Variants in FYN observed in about 807,000 individuals in gnomAD.
FYN encodes FYN proto-oncogene, Src family tyrosine kinase, also known as tyrosine-protein kinase Fyn.
In FYN, 10 loss-of-function variants were observed where a neutral mutation model predicts 70.2. The observed-to-expected ratio is 0.14, with a 90% CI of 0.09 to 0.24. The LOEUF (loss-of-function observed/expected upper bound fraction) is 0.24. Among genes scored for constraint, FYN ranks in the 10% least tolerant of loss-of-function variants. FYN has a pLI of 1.00. For synonymous variants in FYN, 236 were observed against 248.6 expected, an observed-to-expected ratio of 0.95 and a Z score of 0.48; for missense variants, 319 against 673.1, an observed-to-expected ratio of 0.47 and a Z score of 5.82.
chr6:111,801,927 A>G (rs905827333), intron 2 of FYN, among the ~76,000 whole-genome samples: 1 of 152,256 alleles, frequency 6.6e-6, no homozygotes, highest in South Asian at 2.1e-4. Flanking sequence ...GGTGCAAGAC[A>G]CTGGATAGAT....
intron 12 of FYN, among the ~76,000 whole-genome samples, chr6:111,676,045 C>T (rs1798518640): frequency 6.6e-6 from 1 of 152,022 alleles, no homozygotes; most frequent in Non-Finnish European, 1.5e-5. Flanking sequence ...CTGACAAAAT[C>T]AGAACATTTC....
chr6:111,686,198 C>T lies in FYN; in HGVS notation c.1273+8177G>A, dbSNP rs141397815. Reference sequence around the variant, plus strand: ...TATTAATCTGGGCCCCGAAGCTCCACGGTGGCTCAGCAGATAAACAAAGCC... The same window carrying T: ...TATTAATCTGGGCCCCGAAGCTCCATGGTGGCTCAGCAGATAAACAAAGCC... On this transcript the variant is annotated intron_variant, in intron 12 of 13. Transcript: ENST00000354650. Among the ~76,000 whole-genome samples, 520 of 152,252 alleles carry T rather than the reference C, an allele frequency of 3.4e-3. 2 individuals carry two copies. Among genetic ancestry groups the T allele is most frequent in the African/African-American group, 0.011 (469 of 41,548 alleles).
chr6:111,779,618 GA>G (rs1199491486), intron 3 of FYN, among the ~76,000 whole-genome samples: 23 of 152,190 alleles, frequency 1.5e-4, no homozygotes, highest in Non-Finnish European at 2.8e-4. Context: ...CAGGGTTGGA[GA>G]AGGTGGTAAA....
At chr6:111,872,568 G>C (rs989207165) in intron 1 of FYN, among the ~76,000 whole-genome samples, 13 of 152,024 alleles carry the variant, frequency 8.6e-5, no homozygotes, top group African/African-American at 3.1e-4. Context: ...AAGCAGCACG[G>C]GGCATCAATT....
chr6:111,831,216 T>C (rs979715028), intron 2 of FYN, among the ~76,000 whole-genome samples: 2 of 152,168 alleles, frequency 1.3e-5, no homozygotes, highest in Non-Finnish European at 2.9e-5. Flanking sequence ...TTGATAGATG[T>C]GCCATGTTAG....
chr6:111,703,911 C>G (rs1303454825), intron 7 of FYN, 88 bp downstream of exon 7: 1 of 1,026,824 alleles, frequency 9.7e-7, no homozygotes, highest in Non-Finnish European at 1.5e-6. Context: ...ATTTTAAAAT[C>G]CTTGTACATT....
At chr6:111,804,333 G>A (rs779988243) in intron 2 of FYN, among the ~76,000 whole-genome samples, 1 of 152,082 alleles carries the variant, frequency 6.6e-6, no homozygotes, top group Non-Finnish European at 1.5e-5. Flanking sequence ...CTTTAGAAGC[G>A]GCACCCTCTG....
intron 2 of FYN, among the ~76,000 whole-genome samples, chr6:111,799,487 G>A (rs745577823): frequency 3.9e-5 from 6 of 152,196 alleles, no homozygotes; most frequent in Non-Finnish European, 8.8e-5. Context: ...TACACTGACA[G>A]AGAAAGTGCA....
chr6:111,720,700 T>A (rs1410720661), intron 3 of FYN, among the ~76,000 whole-genome samples: 2 of 152,166 alleles, frequency 1.3e-5, no homozygotes, highest in East Asian at 3.8e-4. Flanking sequence ...ATTTGCAGGA[T>A]GTCATGATAG....
chr6:111,679,706 T>C (rs1798702017), intron 12 of FYN, among the ~76,000 whole-genome samples: 1 of 152,042 alleles, frequency 6.6e-6, no homozygotes, highest in African/African-American at 2.4e-5. Context: ...AATTGCCAAT[T>C]GAAATAGAAA....
At chr6:111,773,596 A>AAGGGAGAGGGGGGG (rs1803574504) in intron 3 of FYN, among the ~76,000 whole-genome samples, 1 of 18,976 alleles carries the variant, frequency 5.3e-5, no homozygotes, top group African/African-American at 2.8e-4. Context: ...GGGAAAGGGA[A>AAGGGAGAGGGGGGG]AGGGAGAGAG....
intron 2 of FYN, among the ~76,000 whole-genome samples, chr6:111,786,811 G>A: frequency 6.6e-6 from 1 of 152,134 alleles, no homozygotes; most frequent in Non-Finnish European, 1.5e-5. Flanking sequence ...TTCTCTGATG[G>A]CCAGTGATGA....
intron 1 of FYN, among the ~76,000 whole-genome samples, chr6:111,864,486 G>A (rs62413733): frequency 0.036 from 5,453 of 152,264 alleles, 109 homozygotes; most frequent in Non-Finnish European, 0.047. Context: ...CTCACAAGTC[G>A]GTGGGAAAGG....
chr6:111,813,963 T>C (rs534869404), intron 2 of FYN: 3 of 152,268 alleles, frequency 2.0e-5, no homozygotes, highest in Admixed American at 1.3e-4. Flanking sequence ...CCGAGGGAGA[T>C]GGATCTTCCT....
intron 5 of FYN, among the ~76,000 whole-genome samples, chr6:111,709,400 G>A (rs946686393): frequency 5.3e-5 from 8 of 152,256 alleles, no homozygotes; most frequent in East Asian, 1.9e-4. Flanking sequence ...AGTGAGCAAC[G>A]CCTCCAGATA....
chr6:111,768,296 T>A (rs910803091), intron 3 of FYN, among the ~76,000 whole-genome samples: 1 of 152,258 alleles, frequency 6.6e-6, no homozygotes, highest in African/African-American at 2.4e-5. Context: ...TGCCCAGCAC[T>A]GTTCCTTACA....
intron 4 of FYN, among the ~76,000 whole-genome samples, chr6:111,715,786 C>T (rs1285085769): frequency 1.3e-5 from 2 of 152,070 alleles, no homozygotes; most frequent in African/African-American, 4.8e-5. Context: ...TCTGAAGGAC[C>T]GAACTGACCA....
intron 3 of FYN, among the ~76,000 whole-genome samples, chr6:111,748,917 T>C (rs1257815415): frequency 6.6e-6 from 1 of 152,230 alleles, no homozygotes; most frequent in Non-Finnish European, 1.5e-5. Context: ...AGGACCGGTA[T>C]ACTCAGTAAT....
At position 111,832,856 on chromosome 6, in the gene FYN, T is replaced by A. The variant is rs1773064822; in HGVS notation, c.-82+13733A>T. 2.0e-5 allele frequency among the ~76,000 whole-genome samples: 3 copies of A among 152,170 alleles called. No homozygotes were observed. The South Asian group carries it at 6.2e-4, about 32-fold the overall frequency. ...ATTTTGAAAATGCCACCATCACTAATCTTTCTGGCCTGGGATCAAGTAAAT... is the reference window on the plus strand; with the variant it reads ...ATTTTGAAAATGCCACCATCACTAAACTTTCTGGCCTGGGATCAAGTAAAT... On this transcript the variant is annotated intron_variant, in intron 2 of 13. Coordinates refer to ENST00000354650, the MANE Select transcript of FYN (RefSeq NM_002037.5).
Sources: allele counts gnomAD v4.1 joint callset (sites outside exome capture counted in the v4.1 genomes callset), GRCh38; gene constraint gnomAD v4.1.1; transcripts MANE v1.5; gene names NCBI Gene and HGNC (gene_info 2026-07-23, HGNC 2026-07-21).